PIK3R3: variants seen among roughly 807,000 people sequenced by gnomAD.
PIK3R3 encodes the protein phosphoinositide-3-kinase regulatory subunit 3, also known as phosphatidylinositol 3-kinase regulatory subunit gamma.
Under a neutral mutation model 62.9 loss-of-function variants are expected in PIK3R3, and 64 were observed. The observed-to-expected ratio is 1.02, with a 90% CI of 0.83 to 1.25. The LOEUF is 1.25. Ranked by LOEUF, PIK3R3 falls within the 50% of genes most tolerant of loss-of-function variation. The pLI is 0.00. For synonymous variants in PIK3R3, 165 were observed against 189.0 expected (o/e 0.87, Z 1.04); for missense variants, 614 against 561.6 (o/e 1.09, Z -0.94).
At chr1:46,120,127 T>C (rs936687621) in intron 1 of PIK3R3, among the ~76,000 whole-genome samples, 2 of 152,212 alleles carry the variant, frequency 1.3e-5, no homozygotes, top group African/African-American at 4.8e-5. Context: ...ATTTACTTGC[T>C]ACACTAACAC....
the PIK3R3 span, among the ~76,000 whole-genome samples, chr1:46,171,536 G>A: frequency 2.1e-4 from 32 of 152,138 alleles, no homozygotes; most frequent in African/African-American, 6.0e-4. Flanking sequence ...TGAGGGCACT[G>A]GTAAGGGTGG....
At chr1:46,114,792 T>TTTC (rs1445650504) in intron 1 of PIK3R3, among the ~76,000 whole-genome samples, 1 of 149,906 alleles carries the variant, frequency 6.7e-6, no homozygotes, top group Non-Finnish European at 1.5e-5. Flanking sequence ...TTTTTTTTTT[T>TTTC]TTGGTAGAGA....
At chr1:46,106,136 C>T (rs1274531225) in intron 1 of PIK3R3, among the ~76,000 whole-genome samples, 6 of 152,310 alleles carry the variant, frequency 3.9e-5, no homozygotes, top group African/African-American at 1.4e-4. Flanking sequence ...CACAGTCTTG[C>T]TCTGTTGCCC....
rs570381207 is a variant in PIK3R3 at position 46,073,876 on chromosome 1, C to A, written c.314+3639G>T. On this transcript the variant is annotated intron_variant, in intron 3 of 9. Coordinates refer to ENST00000262741, the MANE Select transcript of PIK3R3 (RefSeq NM_003629.4). The stretch of plus-strand genomic sequence containing the variant: ...GTCTCTAACTCCTGATCTCATGATC[C>A]GCCTGCCTTGGCCTCCCAAAGTGCT... Among the ~76,000 whole-genome samples, 22 of 149,956 alleles carry A rather than the reference C, an allele frequency of 1.5e-4. No individual in the cohort carries two copies. The South Asian group carries it at 4.1e-3, about 28-fold the overall frequency.
At chr1:46,072,453 C>T (rs1443511716) in intron 3 of PIK3R3, among the ~76,000 whole-genome samples, 5 of 152,200 alleles carry the variant, frequency 3.3e-5, no homozygotes, top group Admixed American at 3.3e-4. Flanking sequence ...CTATCAAACA[C>T]CTACTGTATG....
intron 3 of PIK3R3, among the ~76,000 whole-genome samples, chr1:46,070,267 T>C (rs1398523377): frequency 1.3e-5 from 2 of 152,170 alleles, no homozygotes; most frequent in Non-Finnish European, 2.9e-5. Flanking sequence ...TGGGATGGGA[T>C]CCAGTCTACA....
intron 1 of PIK3R3, among the ~76,000 whole-genome samples, chr1:46,090,149 C>T (rs1651478846): frequency 6.6e-6 from 1 of 151,900 alleles, no homozygotes; most frequent in Non-Finnish European, 1.5e-5. Flanking sequence ...TAAAAAGAAA[C>T]CTAGAGTTTA....
chr1:46,168,102 G>T, the PIK3R3 span, among the ~76,000 whole-genome samples: 1 of 152,012 alleles, frequency 6.6e-6, no homozygotes, highest in African/African-American at 2.4e-5. Flanking sequence ...AGTGAGCCTA[G>T]ATCACACCAC....
intron 1 of PIK3R3, among the ~76,000 whole-genome samples, chr1:46,131,306 G>A (rs1182975618): frequency 6.6e-6 from 1 of 152,016 alleles, no homozygotes; most frequent in Non-Finnish European, 1.5e-5. Flanking sequence ...ATCACTAACC[G>A]GCATTTGTTT....
At chr1:46,163,166 AC>A in the PIK3R3 span, among the ~76,000 whole-genome samples, 2 of 152,316 alleles carry the variant, frequency 1.3e-5, no homozygotes, top group Non-Finnish European at 2.9e-5. Context: ...ATGTCTTAAA[AC>A]CTTCCCTCAA....
intron 1 of PIK3R3, 119 bp downstream of exon 1, chr1:46,131,728 A>G (rs2149481325): frequency 2.1e-6 from 2 of 966,782 alleles, no homozygotes; most frequent in East Asian, 5.1e-5. Flanking sequence ...GTAACTGCAA[A>G]TCTCCTCATC....
chr1:46,115,669 C>T (rs1050987148), intron 1 of PIK3R3, among the ~76,000 whole-genome samples: 1 of 152,200 alleles, frequency 6.6e-6, no homozygotes, highest in Non-Finnish European at 1.5e-5. Context: ...TTCCAAGTCC[C>T]GAATTAATGT....
At chr1:46,140,547 T>C in the PIK3R3 span, among the ~76,000 whole-genome samples, 1 of 152,212 alleles carries the variant, frequency 6.6e-6, no homozygotes, top group African/African-American at 2.4e-5. Context: ...GGATTTAAGG[T>C]GGATCCTAGA....
chr1:46,047,495 G>C (rs1157961110), intron 7 of PIK3R3, among the ~76,000 whole-genome samples: 1 of 151,308 alleles, frequency 6.6e-6, no homozygotes, highest in East Asian at 1.9e-4. Context: ...CTTAAAATGT[G>C]CTAGTATTTT....
the PIK3R3 span, among the ~76,000 whole-genome samples, chr1:46,154,284 C>A: frequency 6.6e-6 from 1 of 152,096 alleles, no homozygotes; most frequent in Non-Finnish European, 1.5e-5. Flanking sequence ...AGTTCAGAAT[C>A]CTGTTGAGCA....
the PIK3R3 span, among the ~76,000 whole-genome samples, chr1:46,142,426 C>T: frequency 3.3e-5 from 5 of 152,210 alleles, no homozygotes; most frequent in South Asian, 2.1e-4. Context: ...AGGCCGGGCG[C>T]GGTGGCTCAC....
chr1:46,157,216 T>G, the PIK3R3 span, among the ~76,000 whole-genome samples: 1 of 152,150 alleles, frequency 6.6e-6, no homozygotes, highest in Non-Finnish European at 1.5e-5. Context: ...TCACTGAAAC[T>G]TCTGCCTCCT....
intron 1 of PIK3R3, among the ~76,000 whole-genome samples, chr1:46,116,578 C>T (rs1182892613): frequency 6.6e-6 from 1 of 151,466 alleles, no homozygotes; most frequent in African/African-American, 2.4e-5. Flanking sequence ...AGGAGAATTG[C>T]TTGAACCCGG....
intron 3 of PIK3R3, among the ~76,000 whole-genome samples, chr1:46,073,013 G>A (rs915941764): frequency 2.0e-5 from 3 of 151,690 alleles, no homozygotes; most frequent in Admixed American, 6.6e-5. Flanking sequence ...CCCAGTATCA[G>A]GCACTAATCT....
Sources: allele counts gnomAD v4.1 joint callset (sites outside exome capture counted in the v4.1 genomes callset), GRCh38; gene constraint gnomAD v4.1.1; transcripts MANE v1.5; gene names NCBI Gene and HGNC (gene_info 2026-07-23, HGNC 2026-07-21).